DSCAML1: variants seen among roughly 807,000 people sequenced by gnomAD.
The protein encoded by DSCAML1 is cell adhesion molecule DSCAML1.
A neutral mutation model predicts 200.5 loss-of-function variants in DSCAML1; 38 were observed. The observed-to-expected ratio is 0.19, with a 90% CI of 0.15 to 0.25. DSCAML1 has a LOEUF of 0.25. Among genes scored for constraint, DSCAML1 ranks in the 10% least tolerant of loss-of-function variants. The pLI is 1.00. For synonymous variants in DSCAML1, 1,215 were observed against 1,165.0 expected, an observed-to-expected ratio of 1.04 and a Z score of -0.87; for missense variants, 2,223 against 2,858.8, an observed-to-expected ratio of 0.78 and a Z score of 5.07.
At chr11:117,494,841 A>T (rs547622895) in intron 11 of DSCAML1, among the ~76,000 whole-genome samples, 1 of 152,292 alleles carries the variant, frequency 6.6e-6, no homozygotes, top group East Asian at 1.9e-4. Context: ...CAGAGACTGG[A>T]GTGATGTGTC....
intron 3 of DSCAML1, among the ~76,000 whole-genome samples, chr11:117,584,352 T>C (rs2051103672): frequency 1.3e-5 from 2 of 152,154 alleles, no homozygotes; most frequent in Non-Finnish European, 2.9e-5. Flanking sequence ...TATCAGCTTC[T>C]CAGGAGCCAG....
rs1239351470 is a variant in DSCAML1, at chr11:117,523,747, T to C, written c.937+1058A>G. Among the ~76,000 whole-genome samples the C allele has an allele frequency of 2.6e-5, 4 of 152,290 alleles. No individual in the cohort carries two copies. In the East Asian group the frequency reaches 5.8e-4, roughly 22 times the overall value. On this transcript the variant is annotated intron_variant, in intron 5 of 32. Transcript: ENST00000651296. ...CCTACTGCCCTATGCTCACAATGAA[T>C]GGGAGGTGGGAAGAGAGTTTCTTTG...
intron 8 of DSCAML1, among the ~76,000 whole-genome samples, chr11:117,506,277 G>C (rs1465025732): frequency 1.3e-5 from 2 of 152,214 alleles, no homozygotes; most frequent in Non-Finnish European, 1.5e-5. Context: ...TTGAGTGTCA[G>C]GACAGGCGAG....
rs773157526 is a variant in DSCAML1 at position 117,736,716 on chromosome 11, T to C, written c.511+40075A>G. Among the ~76,000 whole-genome samples the C allele has an allele frequency of 1.8e-4, 28 of 152,182 alleles. 1 individual carries two copies. Among genetic ancestry groups the C allele is most frequent in the Admixed American group, 1.2e-3 (19 of 15,278 alleles). ...CTGACACACACACATTTCCAAAAGC[T>C]TCTTAGGGTTGCTTCTTATCACAGA... On this transcript the variant is annotated intron_variant, in intron 3 of 32. Transcript: ENST00000651296.
In DSCAML1 at chr11:117,437,594, G is replaced by T. The variant is rs2047946724; in HGVS notation, c.4433-185C>A. Among the ~76,000 whole-genome samples, 1 of 152,100 alleles carries T rather than the reference G, an allele frequency of 6.6e-6. No individual in the cohort carries two copies. Among genetic ancestry groups the T allele is most frequent in the Non-Finnish European group, 1.5e-5 (1 of 68,016 alleles). On this transcript the variant is annotated intron_variant, in intron 25 of 32. Transcript: ENST00000651296. This position sits in a 1 kb window ranked among gnomAD's most constrained non-coding sequence, Gnocchi z 5.3. ...AGAGGAGGAAGAGGAGGGGAGGGAG[G>T]AGAGGGAAGAAAAGGGCAGGGCCTG...
Position 117,489,365 on chromosome 11 carries a change from G to A in DSCAML1, c.2360-7203C>T, listed in dbSNP as rs1387395275. Reference sequence around the variant, plus strand: ...CAAAAGCACCTCACTGCTCTGTAGGGCACAGGAGGCTTTAATGAAATACAA... The same window carrying A: ...CAAAAGCACCTCACTGCTCTGTAGGACACAGGAGGCTTTAATGAAATACAA... On this transcript the variant is annotated intron_variant, in intron 11 of 32. Transcript: ENST00000651296. This position sits in a 1 kb window ranked among gnomAD's most constrained non-coding sequence, Gnocchi z 4.8. Among the ~76,000 whole-genome samples the A allele has an allele frequency of 1.3e-5, 2 of 152,190 alleles. No homozygotes were observed. Among genetic ancestry groups the A allele is most frequent in the South Asian group, 4.1e-4 (2 of 4,828 alleles).
chr11:117,642,501 A>C lies in DSCAML1; in HGVS notation c.512-109979T>G, dbSNP rs890691612. ...ATGCTCAGTAGGACACTAGACCAGC[A>C]AAGCCACAAAGGTGGCTGCTGGGAG... On this transcript the variant is annotated intron_variant, in intron 3 of 32. Coordinates refer to ENST00000651296, the MANE Select transcript of DSCAML1 (RefSeq NM_020693.4). The surrounding 1 kb of genome is among the most constrained non-coding windows in gnomAD (Gnocchi z 4.1). 9.9e-5 allele frequency among the ~76,000 whole-genome samples: 15 copies of C among 152,230 alleles called. No homozygotes were observed. Among genetic ancestry groups the C allele is most frequent in the African/African-American group, 3.6e-4 (15 of 41,458 alleles).
At chr11:117,464,674 G>A (rs890113561) in intron 17 of DSCAML1, among the ~76,000 whole-genome samples, 1 of 152,196 alleles carries the variant, frequency 6.6e-6, no homozygotes, top group African/African-American at 2.4e-5. Context: ...GGACAGACAA[G>A]TGCTCAGACA....
At chr11:117,439,172 C>T (rs2047987111) in intron 23 of DSCAML1, 94 bp downstream of exon 23, 2 of 1,530,130 alleles carry the variant, frequency 1.3e-6, no homozygotes, top group African/African-American at 1.4e-5. Context: ...CTTGGTTTGG[C>T]TTCTTCCATT....
intron 3 of DSCAML1, among the ~76,000 whole-genome samples, chr11:117,650,667 C>CT (rs2052610943): frequency 7.0e-6 from 1 of 143,434 alleles, no homozygotes; most frequent in Admixed American, 6.9e-5. Context: ...GTGTGTCTAT[C>CT]TGTGTGTGTG....
At chr11:117,434,055 A>G (rs935194128) in intron 27 of DSCAML1, among the ~76,000 whole-genome samples, 14 of 152,224 alleles carry the variant, frequency 9.2e-5, no homozygotes, top group Admixed American at 9.2e-4. Context: ...AGAGAGGAGA[A>G]TTAAAGGGCC....
At position 117,780,389 on chromosome 11, in the gene DSCAML1, C is replaced by A; in HGVS notation, c.364+104G>T. 2.9e-6 allele frequency: 3 copies of A among 1,032,020 alleles called. No homozygotes were observed. The highest frequency in any genetic ancestry group is 6.7e-5 in the South Asian group (2 of 29,888). The allele number at this position is 1,032,020 out of a possible 1,614,324, so 63.9% of individuals were successfully genotyped here. ...AAAGATTCAAAAGAGAACAACAAAA[C>A]TGTTCTTGAGTGAACGACTTCTTGC... On this transcript the variant is annotated intron_variant, in intron 2 of 32. Transcript: ENST00000651296. This position sits in a 1 kb window ranked among gnomAD's most constrained non-coding sequence, Gnocchi z 4.8.
rs1565280919 is a variant in DSCAML1, at chr11:117,780,282, A to AAGAAAGAG, written c.364+210_364+211insCTCTTTCT. Reference sequence around the variant, plus strand: ...AAAGAAAGAAAGAAAGAAAGAAAGAAAGAAAGAAAGAAAGAAAGAAAGAGA... The same window carrying AAGAAAGAG: ...AAAGAAAGAAAGAAAGAAAGAAAGAAAGAAAGAGAGAAAGAAAGAAAGAAAGAAAGAGA... On this transcript the variant is annotated intron_variant, in intron 2 of 32. Coordinates refer to ENST00000651296, the MANE Select transcript of DSCAML1 (RefSeq NM_020693.4). The surrounding 1 kb of genome is among the most constrained non-coding windows in gnomAD (Gnocchi z 4.8). Among the ~76,000 whole-genome samples, 4 of 96,956 alleles carry AAGAAAGAG rather than the reference A, an allele frequency of 4.1e-5. No individual in the cohort carries two copies. The highest frequency in any genetic ancestry group is 1.0e-4 in the Non-Finnish European group (4 of 39,656). 63.6% of individuals were successfully genotyped at this position (96,956 alleles called of 152,430 possible). A position where few individuals can be genotyped will look rare whatever the true frequency, so the allele number is the denominator to read the frequency against.
chr11:117,438,874 C>T lies in DSCAML1; in HGVS notation c.4243+11G>A, dbSNP rs552106469. ...TCCCCTATCTTCCCCCGCATCCAGA[C>T]CCCTCCTCACCTCGGATGGAGCTGC... On this transcript the variant is annotated intron_variant, in intron 24 of 32. Coordinates refer to ENST00000651296, the MANE Select transcript of DSCAML1 (RefSeq NM_020693.4). 6.4e-6 allele frequency: 10 copies of T among 1,570,248 alleles called. No homozygotes were observed. Among genetic ancestry groups the T allele is most frequent in the East Asian group, 2.4e-5 (1 of 42,076 alleles).
rs376227372 is a variant in DSCAML1, at chr11:117,516,569, G to A, written c.1681C>T (p.Leu561=). ...TCCATGCCCTTCTGCACGTCAGTCA[G>A]CTTGAGGGTCCCATTCTCAAACACC... The part of the protein sequence containing the change: ...QVVFENGTLK[L]TDVQKGMDEG... Residue 561 remains leucine, a synonymous_variant, in exon 8 of 33, where the codon CTG becomes TTG. Coordinates refer to ENST00000651296, the MANE Select transcript of DSCAML1 (RefSeq NM_020693.4). The surrounding 1 kb of genome is among the most constrained non-coding windows in gnomAD (Gnocchi z 5.7). 6.2e-7 allele frequency: 1 copy of A among 1,613,980 alleles called. No homozygotes were observed. Among genetic ancestry groups the A allele is most frequent in the African/African-American group, 1.3e-5 (1 of 74,918 alleles).
chr11:117,794,439 G>T (rs2055534716), intron 1 of DSCAML1, among the ~76,000 whole-genome samples: 1 of 151,810 alleles, frequency 6.6e-6, no homozygotes, highest in Admixed American at 6.6e-5. Context: ...CTGAGCTCAG[G>T]CATCATAAAA....
rs138851913 is a variant in DSCAML1, at chr11:117,553,446, A to G, written c.512-20924T>C. Among the ~76,000 whole-genome samples, 18 of 152,322 alleles carry G rather than the reference A, an allele frequency of 1.2e-4. No individual in the cohort carries two copies. The East Asian group carries it at 3.5e-3, about 29-fold the overall frequency. ...ATGCTTACAATTCAACAACAAAACC[A>G]AACAACCCAGTTTAAACATGGTCAA... On this transcript the variant is annotated intron_variant, in intron 3 of 32. Transcript: ENST00000651296.
At chr11:117,486,911 CTTTTT>C (rs56805170) in intron 11 of DSCAML1, among the ~76,000 whole-genome samples, 11 of 79,666 alleles carry the variant, frequency 1.4e-4, no homozygotes, top group African/African-American at 5.7e-4. Context: ...TGTAAAATAC[CTTTTT>C]TTTTTTTTTT....
At chr11:117,514,689 TCTC>T (rs1451815117) in intron 8 of DSCAML1, among the ~76,000 whole-genome samples, 9 of 150,488 alleles carry the variant, frequency 6.0e-5, no homozygotes, top group Non-Finnish European at 1.3e-4. Flanking sequence ...TTCAAGTTAT[TCTC>T]CTGCTTCTGC....
Sources: gnomAD v4.1 joint callset for allele counts (sites outside exome capture counted in the v4.1 genomes callset) on GRCh38, gnomAD v4.1.1 for gene constraint, Gnocchi (gnomAD v3.1) non-coding constraint, MANE v1.5 for transcripts, NCBI Gene and HGNC (gene_info 2026-07-23, HGNC 2026-07-21) for gene names.